HYDIN: variants seen among roughly 807,000 people sequenced by gnomAD.
HYDIN encodes HYDIN axonemal central pair apparatus protein.
Under a neutral mutation model 403.9 loss-of-function variants are expected in HYDIN, and 132 were observed. That is an observed-to-expected ratio of 0.33 (90% CI 0.28 to 0.38). The LOEUF (loss-of-function observed/expected upper bound fraction) is 0.38. Ranked by LOEUF, HYDIN falls within the 10% of genes least tolerant of loss-of-function variation. The probability of loss-of-function intolerance (pLI) is 1.00; values close to 1 mark genes in which losing one functional copy is unlikely to be tolerated. For synonymous variants in HYDIN, 1,202 were observed against 1,891.7 expected (o/e 0.64, Z 9.46); for missense variants, 2,827 against 5,009.5 (o/e 0.56, Z 13.15).
chr16:71,196,325 T>G, intron 1 of HYDIN, among the ~76,000 whole-genome samples: 1 of 152,158 alleles, frequency 6.6e-6, no homozygotes, highest in East Asian at 1.9e-4. Context: ...ATCCCCAATA[T>G]GAGTGAGCAG....
intron 7 of HYDIN, among the ~76,000 whole-genome samples, chr16:71,141,058 T>C (rs972669874): frequency 4.6e-5 from 7 of 151,614 alleles, no homozygotes; most frequent in South Asian, 2.1e-4. Flanking sequence ...AAAACATCTA[T>C]AAAATAGAAA....
chr16:71,033,556 A>G (rs903642308), intron 18 of HYDIN, among the ~76,000 whole-genome samples: 1 of 151,652 alleles, frequency 6.6e-6, no homozygotes, highest in Non-Finnish European at 1.5e-5. Context: ...ACATGTTCTC[A>G]CTCATAAGTG....
chr16:71,219,322 G>C (rs1024797412), intron 1 of HYDIN, among the ~76,000 whole-genome samples: 1 of 151,628 alleles, frequency 6.6e-6, no homozygotes, highest in Non-Finnish European at 1.5e-5. Flanking sequence ...AAAAAATAAG[G>C]GGCAGATTTA....
chr16:70,947,679 C>T (rs1390031168), intron 41 of HYDIN, among the ~76,000 whole-genome samples: 1 of 152,066 alleles, frequency 6.6e-6, no homozygotes, highest in Non-Finnish European at 1.5e-5. Flanking sequence ...AACAGAGAGC[C>T]AAACCATGAG....
chr16:70,921,196 C>T lies in HYDIN; in HGVS notation c.7180G>A (p.Asp2394Asn), dbSNP rs754663231. 101 of 1,440,982 alleles carry T rather than the reference C, an allele frequency of 7.0e-5. No individual in the cohort carries two copies. Among genetic ancestry groups the T allele is most frequent in the Middle Eastern group, 5.4e-4 (3 of 5,548 alleles). 89.3% of individuals were successfully genotyped at this position (1,440,982 alleles called of 1,614,324 possible). Residue 2394 changes from aspartate to asparagine, a missense_variant, in exon 46 of 86, where the codon GAT (aspartate) becomes AAT (asparagine). Asp to Asn is a conservative substitution (Grantham distance 23). Transcript: ENST00000393567. ...NKQVPPLTKV[D>N]VKMETIERKI... ...CTTTCGATTGTCTCCATCTTGACAT[C>T]CACTTTGGTGAGCGGAGGAACCTAG...
chr16:70,925,316 T>TA (rs61480736), intron 45 of HYDIN, among the ~76,000 whole-genome samples: 1 of 152,354 alleles, frequency 6.6e-6, no homozygotes, highest in East Asian at 1.9e-4. Context: ...CCCCTATCTT[T>TA]AAAAAAACAC....
chr16:71,181,972 A>C (rs541233081), intron 3 of HYDIN, among the ~76,000 whole-genome samples: 119 of 152,322 alleles, frequency 7.8e-4, no homozygotes, highest in African/African-American at 2.8e-3. Flanking sequence ...ATAGGCAGTC[A>C]AGAGAAGGCC....
At chr16:71,135,594 A>G (rs998796616) in intron 8 of HYDIN, among the ~76,000 whole-genome samples, 1 of 149,656 alleles carries the variant, frequency 6.7e-6, no homozygotes, top group Non-Finnish European at 1.5e-5. Context: ...CTACTTTGCT[A>G]TTTTACTTTC....
intron 80 of HYDIN, 40 bp downstream of exon 80, chr16:70,832,808 C>T (rs761546976): frequency 2.6e-6 from 4 of 1,549,624 alleles, no homozygotes; most frequent in Admixed American, 1.7e-5. Flanking sequence ...TTGCTGGGGT[C>T]ACTCCTGCCA....
In HYDIN at chr16:71,189,780, A is replaced by AC. The variant is rs1267978902; in HGVS notation, c.-23-2863_-23-2862insG. Among the ~76,000 whole-genome samples, 35 of 151,834 alleles carry AC rather than the reference A, an allele frequency of 2.3e-4. No individual in the cohort carries two copies. The East Asian group carries it at 6.6e-3, about 29-fold the overall frequency. On this transcript the variant is annotated intron_variant, in intron 1 of 85. Coordinates refer to ENST00000393567, the MANE Select transcript of HYDIN (RefSeq NM_001270974.2). Reference sequence around the variant, plus strand: ...AGACTCTGCCTCAAAAAAAAAAAAAAAACAAACAACAATATTTTGACTGTA... The same window carrying AC: ...AGACTCTGCCTCAAAAAAAAAAAAAACAACAAACAACAATATTTTGACTGTA...
chr16:70,974,519 C>T lies in HYDIN; in HGVS notation c.4909+15G>A, dbSNP rs1335523440. The T allele has an allele frequency of 4.4e-6, 7 of 1,607,618 alleles. No individual in the cohort carries two copies. The highest frequency in any genetic ancestry group is 1.1e-5 in the South Asian group (1 of 89,884). ...GACCAAGTGCAATAGGAAAGGGTCTCCCCAGCCTGGGTACCTGTCTCATGA... is the reference window on the plus strand; with the variant it reads ...GACCAAGTGCAATAGGAAAGGGTCTTCCCAGCCTGGGTACCTGTCTCATGA... On this transcript the variant is annotated intron_variant, in intron 32 of 85. Coordinates refer to ENST00000393567, the MANE Select transcript of HYDIN (RefSeq NM_001270974.2).
intron 9 of HYDIN, among the ~76,000 whole-genome samples, chr16:71,117,819 T>C: frequency 6.6e-6 from 1 of 151,958 alleles, no homozygotes; most frequent in East Asian, 1.9e-4. Context: ...AAAATAAAAA[T>C]CTAGAGCCAA....
At chr16:71,154,694 C>G (rs1280867809) in intron 6 of HYDIN, among the ~76,000 whole-genome samples, 2 of 150,898 alleles carry the variant, frequency 1.3e-5, no homozygotes, top group Non-Finnish European at 2.9e-5. Context: ...TTTCCTTTTT[C>G]CTGTCCCCAT....
chr16:70,984,969 C>T (rs1351956232), intron 28 of HYDIN: 1 of 497,128 alleles, frequency 2.0e-6, no homozygotes, highest in African/African-American at 1.9e-5. Context: ...ATTGCTGTAT[C>T]CCTGGTGCCT....
At position 70,882,871 on chromosome 16, in the gene HYDIN, A is replaced by G. The variant is rs374060165; in HGVS notation, c.10004T>C (p.Leu3335Ser). The G allele has an allele frequency of 5.2e-4, 830 of 1,582,742 alleles. No individual in the cohort carries two copies. The highest frequency in any genetic ancestry group is 6.6e-4 in the Non-Finnish European group (766 of 1,151,888). ...LPAFVTENNA[L>S]IFEEHQICTS... is the part of the protein sequence containing the mutation. Reference sequence around the variant, plus strand: ...ACATATCTGGTGCTCTTCAAATATCAAGGCATTGTTTTCGGTCACGAAGGC... The same window carrying G: ...ACATATCTGGTGCTCTTCAAATATCGAGGCATTGTTTTCGGTCACGAAGGC... The change falls in exon 60 of 86, where the codon TTG becomes TCG. Residue 3335 changes from leucine to serine, a missense_variant. Coordinates refer to ENST00000393567, the MANE Select transcript of HYDIN (RefSeq NM_001270974.2).
At chr16:70,899,724 G>A (rs1276300702) in intron 53 of HYDIN, among the ~76,000 whole-genome samples, 1 of 152,262 alleles carries the variant, frequency 6.6e-6, no homozygotes, top group Non-Finnish European at 1.5e-5. Flanking sequence ...GTGCTCTGAA[G>A]GATGGAAGAC....
chr16:71,207,452 C>T (rs1598031767), intron 1 of HYDIN, among the ~76,000 whole-genome samples: 2 of 152,130 alleles, frequency 1.3e-5, no homozygotes, highest in African/African-American at 4.8e-5. Context: ...AGACCATTAC[C>T]AGCCATTACA....
chr16:70,887,513 A>G (rs922569009), intron 58 of HYDIN, among the ~76,000 whole-genome samples: 32 of 151,990 alleles, frequency 2.1e-4, no homozygotes, highest in African/African-American at 7.5e-4. Context: ...TGTCTCCAGA[A>G]AAGAATACAG....
chr16:71,009,981 AC>A (rs1476441653), intron 23 of HYDIN, among the ~76,000 whole-genome samples: 1 of 118,422 alleles, frequency 8.4e-6, no homozygotes, highest in East Asian at 2.4e-4. Context: ...TTGTTCCAAT[AC>A]CCCCAGCTTG....
Sources: allele counts gnomAD v4.1 joint callset (sites outside exome capture counted in the v4.1 genomes callset), GRCh38; gene constraint gnomAD v4.1.1; transcripts MANE v1.5; gene names NCBI Gene and HGNC (gene_info 2026-07-23, HGNC 2026-07-21).